The following AKNA variants were observed in gnomAD, a reference collection of about 807,000 sequenced individuals.
AKNA encodes the protein microtubule organization protein AKNA.
AKNA carries 67 observed loss-of-function variants against 138.8 expected under a neutral mutation model. The ratio of observed to expected loss-of-function variants is 0.48; its 90% CI spans 0.40 to 0.59. The LOEUF (loss-of-function observed/expected upper bound fraction) is 0.59, where lower values mean the gene tolerates loss of function less well. Among genes scored for constraint, AKNA ranks in the 20% least tolerant of loss-of-function variants. AKNA has a pLI of 0.00. For synonymous variants in AKNA, 737 were observed against 754.4 expected, an observed-to-expected ratio of 0.98 and a Z score of 0.38; for missense variants, 1,813 against 1,880.4, an observed-to-expected ratio of 0.96 and a Z score of 0.66.
chr9:114,343,873 ATAATGATCTCCTCTTC>A, intron 18 of AKNA, 70 bp from the exon 19 acceptor site: 1 of 1,334,346 alleles, frequency 7.5e-7, no homozygotes, highest in Non-Finnish European at 1.0e-6. Flanking sequence ...AGATTCTGGA[ATAATGATCTCCTCTTC>A]CTCCAAATGG....
Position 114,342,001 on chromosome 9 carries a change from G to C in AKNA, c.3874+8C>G, listed in dbSNP as rs1443848558. ...CTGGCTAAGAGAAGAAACAGTATTT[G>C]TCCCTACCAGAGGTGGCTGAGCCTG... On this transcript the variant is annotated splice_region_variant and intron_variant, in intron 20 of 21. Transcript: ENST00000374088. The C allele has an allele frequency of 1.2e-6, 2 of 1,606,924 alleles. No individual in the cohort carries two copies. The highest frequency in any genetic ancestry group is 8.5e-7 in the Non-Finnish European group (1 of 1,173,444).
intron 14 of AKNA, among the ~76,000 whole-genome samples, chr9:114,353,410 C>A (rs1303206512): frequency 2.0e-5 from 3 of 152,068 alleles, no homozygotes; most frequent in African/African-American, 7.2e-5. Flanking sequence ...ATTTTAGGTG[C>A]CAGCCACCAC....
intron 6 of AKNA, among the ~76,000 whole-genome samples, chr9:114,366,646 CAGTAAAGCAA>C (rs1832380782): frequency 7.2e-6 from 1 of 138,810 alleles, no homozygotes. Context: ...AATTATATTT[CAGTAAAGCAA>C]GGGAAAGAAG....
Position 114,341,656 on chromosome 9 carries a change from G to C in AKNA, c.3944C>G (p.Ala1315Gly). Residue 1315 changes from alanine (A) to glycine (G), a missense_variant, in exon 21 of 22, where the codon GCG (alanine) becomes GGG (glycine). Transcript: ENST00000374088. ...TPSPKQRSKQ[A>G]GSSPRPPPGL... The stretch of plus-strand genomic sequence containing the variant: ...GGGGGGTGGGCGTGGCGACGACCCC[G>C]CCTGCTTGCTCCTCTGCTTGGGGCT... 6.2e-7 allele frequency: 1 copy of C among 1,609,390 alleles called. No homozygotes were observed.
In AKNA at chr9:114,381,430, G is replaced by A; in HGVS notation, c.-97C>T. 1.4e-6 allele frequency: 2 copies of A among 1,438,292 alleles called. No homozygotes were observed. Among genetic ancestry groups the A allele is most frequent in the Non-Finnish European group, 9.1e-7 (1 of 1,100,160 alleles). The allele number at this position is 1,438,292 out of a possible 1,614,324, so 89.1% of individuals were successfully genotyped here. On this transcript the variant is annotated 5_prime_UTR_variant, in exon 2 of 22. Transcript: ENST00000374088. ...TCACCGCTGGTTCCTGTCAGCATCG[G>A]CCATCCTGCCTGTGCCCTGTCAGGG...
At chr9:114,374,045 C>G in intron 4 of AKNA, 48 bp downstream of exon 4, 1 of 1,540,188 alleles carries the variant, frequency 6.5e-7, no homozygotes, top group Non-Finnish European at 8.8e-7. Context: ...AAAGTGTCAC[C>G]TCCTCGGGGA....
intron 13 of AKNA, among the ~76,000 whole-genome samples, chr9:114,356,545 C>T (rs938274471): frequency 6.6e-6 from 1 of 152,184 alleles, no homozygotes; most frequent in Non-Finnish European, 1.5e-5. Context: ...CCTGAGTGCC[C>T]TTTGCCCTTG....
chr9:114,330,794 AG>A, downstream of AKNA: 1 of 1,613,886 alleles, frequency 6.2e-7, no homozygotes, highest in African/African-American at 1.3e-5. Flanking sequence ...GACTTTAGCC[AG>A]AACCAGTGCT....
chr9:114,383,497 G>T (rs1364713829), intron 1 of AKNA, among the ~76,000 whole-genome samples: 1 of 152,172 alleles, frequency 6.6e-6, no homozygotes, highest in African/African-American at 2.4e-5. Context: ...TCACACAAAG[G>T]CCTTCTTCCA....
At chr9:114,349,202 C>G (rs1013308885) in intron 15 of AKNA, among the ~76,000 whole-genome samples, 2 of 152,342 alleles carry the variant, frequency 1.3e-5, no homozygotes, top group East Asian at 1.9e-4. Context: ...CTTACCAGGC[C>G]GGGGGCGTGA....
chr9:114,350,024 G>A (rs895230231), intron 15 of AKNA, among the ~76,000 whole-genome samples: 28 of 152,186 alleles, frequency 1.8e-4, no homozygotes, highest in Non-Finnish European at 3.1e-4. Flanking sequence ...TCACAATGGA[G>A]GGCACTACTG....
chr9:114,356,235 C>T (rs1211683731), intron 13 of AKNA, 99 bp from the exon 14 acceptor site: 1 of 1,127,384 alleles, frequency 8.9e-7, no homozygotes, highest in Non-Finnish European at 1.3e-6. Context: ...CAATAAGCTC[C>T]CACCCTTTGT....
At chr9:114,345,488 T>C (rs1830619225) in intron 18 of AKNA, 1 of 173,294 alleles carries the variant, frequency 5.8e-6, no homozygotes, top group Non-Finnish European at 1.2e-5. Flanking sequence ...CCTCTGGAAA[T>C]GAGAACCTGA....
chr9:114,346,025 T>A lies in AKNA; in HGVS notation c.3515-16A>T. The A allele has an allele frequency of 1.3e-6, 2 of 1,591,822 alleles. No homozygotes were observed. The highest frequency in any genetic ancestry group is 2.3e-5 in the East Asian group (1 of 44,192). On this transcript the variant is annotated splice_polypyrimidine_tract_variant and intron_variant, in intron 17 of 21. Coordinates refer to ENST00000374088, the MANE Select transcript of AKNA (RefSeq NM_001317950.2). ...GATTCTGAACCTGGGGTAGAAAAAGTGGGGCATCAGAGGGGGCAAGGGGTG... is the reference window on the plus strand; with the variant it reads ...GATTCTGAACCTGGGGTAGAAAAAGAGGGGCATCAGAGGGGGCAAGGGGTG...
chr9:114,347,779 G>T lies in AKNA; in HGVS notation c.3343C>A (p.Arg1115=). 2 of 1,547,586 alleles carry T rather than the reference G, an allele frequency of 1.3e-6. No individual in the cohort carries two copies. Among genetic ancestry groups the T allele is most frequent in the South Asian group, 1.2e-5 (1 of 83,560 alleles). ...RPASAFDRPA[R]TRGRPADSPA... ...GAGTCTGCTGGCCGGCCGCGGGTCC[G>T]GGCGGGGCGGTCAAAGGCAGATGCT... is the stretch of plus-strand genomic sequence containing the variant. Residue 1115 remains arginine, a synonymous_variant, in exon 16 of 22, where the codon CGG becomes AGG. Coordinates refer to ENST00000374088, the MANE Select transcript of AKNA (RefSeq NM_001317950.2).
At chr9:114,366,099 TG>T (rs1832331304) in intron 6 of AKNA, among the ~76,000 whole-genome samples, 2 of 151,892 alleles carry the variant, frequency 1.3e-5, no homozygotes, top group African/African-American at 4.8e-5. Context: ...GCCAACATGG[TG>T]AAACCCCATC....
At position 114,336,959 on chromosome 9, in the gene AKNA, C is replaced by T. The variant is rs1026541704; in HGVS notation, c.*95G>A. ...GAGACCCTCCTGGTGAGGAACTATGCGGGCCTTCTGGGCCTCAGCAGCTCC... is the reference window on the plus strand; with the variant it reads ...GAGACCCTCCTGGTGAGGAACTATGTGGGCCTTCTGGGCCTCAGCAGCTCC... On this transcript the variant is annotated 3_prime_UTR_variant, in exon 22 of 22. Transcript: ENST00000374088. 98 of 1,397,982 alleles carry T rather than the reference C, an allele frequency of 7.0e-5. No homozygotes were observed. The Admixed American group carries it at 1.4e-3, about 20-fold the overall frequency. The allele number at this position is 1,397,982 out of a possible 1,614,324, so 86.6% of individuals were successfully genotyped here. A position where few individuals can be genotyped will look rare whatever the true frequency, so the allele number is the denominator to read the frequency against.
intron 12 of AKNA, 110 bp from the exon 13 acceptor site, chr9:114,357,079 T>A (rs928223565): frequency 2.2e-6 from 2 of 926,590 alleles, no homozygotes; most frequent in Non-Finnish European, 3.2e-6. Context: ...CACCCCAGGG[T>A]TGCTGGCCCA....
Position 114,381,260 on chromosome 9 carries a change from G to A in AKNA, c.74C>T (p.Ala25Val), listed in dbSNP as rs1435155418. The A allele has an allele frequency of 4.3e-6, 7 of 1,613,238 alleles. No homozygotes were observed. The highest frequency in any genetic ancestry group is 5.9e-6 in the Non-Finnish European group (7 of 1,179,664). The change falls in exon 2 of 22, where the codon GCC becomes GTC. Residue 25 changes from alanine (A) to valine (V), a missense_variant. Coordinates refer to ENST00000374088, the MANE Select transcript of AKNA (RefSeq NM_001317950.2). ...CACATCCCTCTTGTCCTCGGCCCAG[G>A]CCCAGCGCCGCCGCTGGGGGCCCTT... ...LGKGPQRRRW[A>V]WAEDKRDVDR...
Sources: gnomAD v4.1 joint callset for allele counts (sites outside exome capture counted in the v4.1 genomes callset) on GRCh38, gnomAD v4.1.1 for gene constraint, MANE v1.5 for transcripts, NCBI Gene and HGNC (gene_info 2026-07-23, HGNC 2026-07-21) for gene names.